NBAS: variants seen among roughly 807,000 people sequenced by gnomAD.
NBAS encodes NAG/BC035112 fusion.
In NBAS, 219 loss-of-function variants were observed where a neutral mutation model predicts 302.5. That is an observed-to-expected ratio of 0.72 (90% CI 0.65 to 0.81). NBAS has a LOEUF of 0.81. Among genes scored for constraint, NBAS ranks in the 30% least tolerant of loss-of-function variants. The pLI, the probability that NBAS is intolerant of heterozygous loss-of-function variation, is 0.00. For missense variants in NBAS, 2,932 were observed against 2,841.6 expected (o/e 1.03, Z -0.72); for synonymous variants, 1,118 against 1,021.6 (o/e 1.09, Z -1.80).
At chr2:15,239,397 G>GTATA (rs1490800257) in intron 44 of NBAS, among the ~76,000 whole-genome samples, 6 of 83,122 alleles carry the variant, frequency 7.2e-5, no homozygotes, top group African/African-American at 1.9e-4. Flanking sequence ...GCGTGTGTGT[G>GTATA]TGTGTATATA....
intron 26 of NBAS, among the ~76,000 whole-genome samples, chr2:15,397,224 T>C (rs1260789986): frequency 6.6e-6 from 1 of 152,174 alleles, no homozygotes; most frequent in African/African-American, 2.4e-5. Context: ...GCTATAAAAG[T>C]CCTCTTTCAT....
intron 32 of NBAS, among the ~76,000 whole-genome samples, chr2:15,358,333 C>T (rs375913131): frequency 6.6e-6 from 1 of 152,112 alleles, no homozygotes; most frequent in East Asian, 1.9e-4. Context: ...CTCCCATGTG[C>T]TTGAGCCCAA....
chr2:15,536,611 A>C, intron 7 of NBAS, 60 bp from the exon 8 acceptor site: 2 of 1,410,832 alleles, frequency 1.4e-6, no homozygotes, highest in South Asian at 2.4e-5. Context: ...AAGTTAACAC[A>C]TGCATAATTA....
At chr2:14,985,755 T>C in the NBAS span, among the ~76,000 whole-genome samples, 1 of 152,230 alleles carries the variant, frequency 6.6e-6, no homozygotes, top group Non-Finnish European at 1.5e-5. Context: ...ATTACATACA[T>C]GGCTTCCACT....
intron 50 of NBAS, among the ~76,000 whole-genome samples, chr2:15,185,739 T>C (rs1665043873): frequency 6.6e-6 from 1 of 152,140 alleles, no homozygotes; most frequent in South Asian, 2.1e-4. Context: ...ATTCTGGTAG[T>C]TGGAAGACTT....
intron 21 of NBAS, among the ~76,000 whole-genome samples, chr2:15,443,160 A>C (rs1005739596): frequency 9.9e-5 from 15 of 152,166 alleles, no homozygotes; most frequent in African/African-American, 3.4e-4. Context: ...TTACGAGGCC[A>C]GCATCATCCT....
At chr2:15,159,734 G>A in the NBAS span, among the ~76,000 whole-genome samples, 1 of 151,946 alleles carries the variant, frequency 6.6e-6, no homozygotes, top group African/African-American at 2.4e-5. Flanking sequence ...GAACTGTACA[G>A]TAAGAAAGGG....
the NBAS span, among the ~76,000 whole-genome samples, chr2:14,802,512 T>C: frequency 3.9e-5 from 6 of 152,014 alleles, 1 homozygote; most frequent in Admixed American, 3.9e-4. Context: ...GCAGGCTCCT[T>C]TTTGGTTCCA....
At chr2:15,138,182 G>A in the NBAS span, among the ~76,000 whole-genome samples, 5 of 152,278 alleles carry the variant, frequency 3.3e-5, no homozygotes, top group Middle Eastern at 3.4e-3. Flanking sequence ...CAGTCGGGTG[G>A]ACAGCTAGCG....
intron 48 of NBAS, among the ~76,000 whole-genome samples, chr2:15,203,073 C>T (rs1021911503): frequency 2.6e-5 from 4 of 152,168 alleles, no homozygotes; most frequent in African/African-American, 4.8e-5. Flanking sequence ...TAATACCTAA[C>T]TAGCAATATC....
intron 10 of NBAS, 21 bp downstream of exon 10, chr2:15,511,191 A>G (rs1662124372): frequency 6.2e-7 from 1 of 1,613,784 alleles, no homozygotes. Flanking sequence ...AGCAAAGTGA[A>G]GTGCCATAAC....
intron 46 of NBAS, 32 bp downstream of exon 46, chr2:15,234,511 CCA>C: frequency 6.2e-7 from 1 of 1,604,310 alleles, no homozygotes; most frequent in Non-Finnish European, 8.5e-7. Context: ...AAGTGTCACC[CCA>C]GTTTTTCCAC....
At chr2:14,900,080 T>A in the NBAS span, among the ~76,000 whole-genome samples, 1 of 150,664 alleles carries the variant, frequency 6.6e-6, no homozygotes, top group Admixed American at 6.6e-5. Flanking sequence ...AGAATGGAAA[T>A]GAGAGTTCCG....
At chr2:15,017,610 A>G in the NBAS span, among the ~76,000 whole-genome samples, 2 of 152,208 alleles carry the variant, frequency 1.3e-5, no homozygotes, top group Non-Finnish European at 2.9e-5. Flanking sequence ...CAAAACCACA[A>G]TGAAGAATCT....
chr2:14,885,990 G>A, the NBAS span, among the ~76,000 whole-genome samples: 135 of 152,358 alleles, frequency 8.9e-4, 1 homozygote, highest in African/African-American at 3.0e-3. Context: ...CTTCCTTTGA[G>A]AAGTTTGCTA....
At chr2:15,288,039 C>T (rs1415227538) in intron 41 of NBAS, among the ~76,000 whole-genome samples, 1 of 152,238 alleles carries the variant, frequency 6.6e-6, no homozygotes, top group East Asian at 1.9e-4. Flanking sequence ...TAGGCAGCCC[C>T]CACAGCCAAG....
chr2:15,353,632 A>C lies in NBAS; in HGVS notation c.4010T>G (p.Leu1337Arg). The C allele has an allele frequency of 9.3e-6, 15 of 1,614,094 alleles. No homozygotes were observed. The highest frequency in any genetic ancestry group is 1.3e-5 in the Non-Finnish European group (15 of 1,179,970). ...GYQDLATRQE[L>R]MAFALTHCPP... ...GCAATGTGTCAAAGCAAAAGCCATGAGCTCTTGACGAGTGGCCAAGTCCTG... is the reference window on the plus strand; with the variant it reads ...GCAATGTGTCAAAGCAAAAGCCATGCGCTCTTGACGAGTGGCCAAGTCCTG... The change falls in exon 34 of 52, where the codon CTC becomes CGC. Residue 1337 changes from leucine (L) to arginine (R), a missense_variant. Leu to Arg is a moderately radical substitution (Grantham distance 102, BLOSUM62 -2). Coordinates refer to ENST00000281513, the MANE Select transcript of NBAS (RefSeq NM_015909.4).
the NBAS span, among the ~76,000 whole-genome samples, chr2:14,983,153 C>G: frequency 6.6e-6 from 1 of 152,182 alleles, no homozygotes; most frequent in South Asian, 2.1e-4. Flanking sequence ...AGAGACAATA[C>G]TACTAAGTTG....
At chr2:15,222,619 C>A (rs1666994559) in intron 47 of NBAS, among the ~76,000 whole-genome samples, 1 of 152,144 alleles carries the variant, frequency 6.6e-6, no homozygotes, top group Non-Finnish European at 1.5e-5. Flanking sequence ...GATGAGGTAA[C>A]AATCTCAGAT....
Sources: allele counts gnomAD v4.1 joint callset (sites outside exome capture counted in the v4.1 genomes callset), GRCh38; gene constraint gnomAD v4.1.1; transcripts MANE v1.5; gene names NCBI Gene and HGNC (gene_info 2026-07-23, HGNC 2026-07-21).